The following DYM variants were observed in gnomAD, a reference collection of about 807,000 sequenced individuals.
The protein encoded by DYM is dymeclin, also known as dyggve-Melchior-Clausen syndrome protein.
Under a neutral mutation model 93.1 loss-of-function variants are expected in DYM, and 78 were observed. The observed-to-expected ratio is 0.84, with a 90% CI of 0.70 to 1.01. The LOEUF (loss-of-function observed/expected upper bound fraction) is 1.01. Among genes scored for constraint, DYM ranks in the 50% least tolerant of loss-of-function variants. The pLI, the probability that DYM is intolerant of heterozygous loss-of-function variation, is 0.00. For synonymous variants in DYM, 321 were observed against 319.7 expected (o/e 1.00, Z -0.04); for missense variants, 789 against 845.0 (o/e 0.93, Z 0.82).
At chr18:49,256,800 TTGAA>T (rs1413711294) in intron 13 of DYM, among the ~76,000 whole-genome samples, 2 of 152,168 alleles carry the variant, frequency 1.3e-5, no homozygotes, top group African/African-American at 4.8e-5. Flanking sequence ...TATAAAAAGA[TTGAA>T]TGTAAATACA....
At chr18:49,121,306 G>A (rs1344904571) in intron 15 of DYM, among the ~76,000 whole-genome samples, 2 of 152,082 alleles carry the variant, frequency 1.3e-5, no homozygotes, top group African/African-American at 4.8e-5. Context: ...GGAATGAATT[G>A]CAAACTTGAA....
At chr18:49,325,133 C>T (rs2062793558) in intron 8 of DYM, among the ~76,000 whole-genome samples, 1 of 152,148 alleles carries the variant, frequency 6.6e-6, no homozygotes, top group Admixed American at 6.5e-5. Context: ...GGCTCCCAGG[C>T]ACCTCCCACC....
intron 15 of DYM, among the ~76,000 whole-genome samples, chr18:49,162,517 A>G (rs2087285637): frequency 6.6e-6 from 1 of 152,174 alleles, no homozygotes; most frequent in Non-Finnish European, 1.5e-5. Flanking sequence ...CTATTGATCC[A>G]TGAATTCATT....
chr18:49,429,491 G>C (rs1487957375), intron 2 of DYM, among the ~76,000 whole-genome samples: 1 of 152,110 alleles, frequency 6.6e-6, no homozygotes, highest in African/African-American at 2.4e-5. Flanking sequence ...GACAGTTTTT[G>C]TAATAGAATT....
intron 2 of DYM, among the ~76,000 whole-genome samples, chr18:49,422,111 C>T (rs1321203581): frequency 6.6e-6 from 1 of 152,134 alleles, no homozygotes; most frequent in Non-Finnish European, 1.5e-5. Context: ...ACTTCCCCAA[C>T]CTAGTAAGGC....
At chr18:49,282,261 A>G (rs1209830961) in intron 9 of DYM, 86 bp from the exon 10 acceptor site, 4 of 1,213,450 alleles carry the variant, frequency 3.3e-6, no homozygotes, top group Non-Finnish European at 4.8e-6. Flanking sequence ...GTACAACTCA[A>G]TTCCCATTAA....
At chr18:49,322,210 A>G (rs1216335608) in intron 8 of DYM, among the ~76,000 whole-genome samples, 2 of 151,284 alleles carry the variant, frequency 1.3e-5, no homozygotes, top group African/African-American at 2.4e-5. Flanking sequence ...CAAGCAAAGG[A>G]AAAAAAAAAT....
At chr18:49,450,443 G>A (rs1312350343) in intron 1 of DYM, among the ~76,000 whole-genome samples, 1 of 152,066 alleles carries the variant, frequency 6.6e-6, no homozygotes, top group Non-Finnish European at 1.5e-5. Flanking sequence ...TTTTCCTTTT[G>A]TGACATCATT....
At chr18:49,163,530 G>A (rs1471533097) in intron 15 of DYM, among the ~76,000 whole-genome samples, 155 bp downstream of exon 15, 5 of 152,058 alleles carry the variant, frequency 3.3e-5, no homozygotes, top group Admixed American at 3.3e-4. Context: ...ATTTTTAGTA[G>A]AGATGGGGTT....
chr18:49,045,148 G>A (rs1397219939), intron 17 of DYM, among the ~76,000 whole-genome samples: 2 of 152,222 alleles, frequency 1.3e-5, no homozygotes, highest in African/African-American at 2.4e-5. Flanking sequence ...CCCAGGTTGG[G>A]TGGGGAGAGA....
chr18:49,387,563 G>A (rs113974699), intron 3 of DYM, among the ~76,000 whole-genome samples: 4,905 of 149,002 alleles, frequency 0.033, 133 homozygotes, highest in Non-Finnish European at 0.046. Flanking sequence ...GAGCCACTGT[G>A]CCTGGTCGAA....
intron 14 of DYM, among the ~76,000 whole-genome samples, chr18:49,184,110 A>G (rs921387358): frequency 3.9e-5 from 6 of 152,218 alleles, no homozygotes; most frequent in Non-Finnish European, 8.8e-5. Flanking sequence ...GCCTGAGCTG[A>G]CTAATATACA....
intron 17 of DYM, among the ~76,000 whole-genome samples, chr18:49,069,052 G>A (rs2076682676): frequency 6.6e-6 from 1 of 152,184 alleles, no homozygotes; most frequent in South Asian, 2.1e-4. Context: ...TGGAAGAAGG[G>A]ATCTTTGGAG....
At chr18:49,191,084 A>AG (rs1300569445) in intron 14 of DYM, among the ~76,000 whole-genome samples, 3 of 132,948 alleles carry the variant, frequency 2.3e-5, no homozygotes, top group Non-Finnish European at 4.8e-5. Context: ...GGGGGAGTGC[A>AG]GGGGGGTTTG....
intron 8 of DYM, among the ~76,000 whole-genome samples, chr18:49,302,315 T>C (rs997098676): frequency 2.0e-5 from 3 of 152,266 alleles, no homozygotes; most frequent in Admixed American, 6.5e-5. Context: ...CATTAAGCCA[T>C]CATGATTAGC....
intron 8 of DYM, among the ~76,000 whole-genome samples, chr18:49,306,240 A>G (rs867504384): frequency 2.0e-5 from 3 of 152,176 alleles, no homozygotes; most frequent in African/African-American, 7.2e-5. Flanking sequence ...TAACACAACA[A>G]ATTAAAACTT....
At chr18:49,391,038 G>C (rs978969868) in intron 3 of DYM, among the ~76,000 whole-genome samples, 19 of 152,300 alleles carry the variant, frequency 1.2e-4, no homozygotes, top group Non-Finnish European at 2.8e-4. Flanking sequence ...GGTTTGCAAT[G>C]ACTACATGAC....
Position 49,066,975 on chromosome 18 carries a change from C to T in DYM, c.2026-22771G>A, listed in dbSNP as rs1599481275. On this transcript the variant is annotated intron_variant, in intron 17 of 17. Coordinates refer to ENST00000675505, the MANE Select transcript of DYM (RefSeq NM_001353214.3). Reference sequence around the variant, plus strand: ...ACTGGGGATATAAAAAGGCAGATAGCAGGTCCTTGACATCAGGTGTTACAA... The same window carrying T: ...ACTGGGGATATAAAAAGGCAGATAGTAGGTCCTTGACATCAGGTGTTACAA... Among the ~76,000 whole-genome samples the T allele has an allele frequency of 2.6e-5, 4 of 152,320 alleles. No homozygotes were observed. In the East Asian group the frequency reaches 7.7e-4, roughly 29 times the overall value.
At chr18:49,248,624 C>T (rs538722526) in intron 13 of DYM, among the ~76,000 whole-genome samples, 5 of 150,834 alleles carry the variant, frequency 3.3e-5, no homozygotes, top group African/African-American at 9.7e-5. Flanking sequence ...GAAATAAAAT[C>T]GAAGTTTAAA....
Sources: gnomAD v4.1 joint callset for allele counts (sites outside exome capture counted in the v4.1 genomes callset) on GRCh38, gnomAD v4.1.1 for gene constraint, MANE v1.5 for transcripts, NCBI Gene and HGNC (gene_info 2026-07-23, HGNC 2026-07-21) for gene names.